GPD2: variants seen among roughly 807,000 people sequenced by gnomAD.
GPD2 encodes the protein glycerol-3-phosphate dehydrogenase, mitochondrial.
A neutral mutation model predicts 82.4 loss-of-function variants in GPD2; 54 were observed. The observed-to-expected ratio is 0.66, with a 90% CI of 0.53 to 0.82. GPD2 has a LOEUF of 0.82. Among genes scored for constraint, GPD2 ranks in the 40% least tolerant of loss-of-function variants. The pLI is 0.00. For missense variants in GPD2, 748 were observed against 896.2 expected (o/e 0.83, Z 2.11); for synonymous variants, 288 against 306.1 (o/e 0.94, Z 0.62).
intron 1 of GPD2, among the ~76,000 whole-genome samples, chr2:156,439,744 G>A (rs542874090): frequency 1.3e-5 from 2 of 151,782 alleles, no homozygotes; most frequent in Admixed American, 1.3e-4. Flanking sequence ...CTACTAGGAA[G>A]GCTGAGGCAG....
intron 9 of GPD2, among the ~76,000 whole-genome samples, chr2:156,567,576 A>T (rs1448975839): frequency 6.6e-6 from 1 of 152,154 alleles, no homozygotes; most frequent in Non-Finnish European, 1.5e-5. Flanking sequence ...TTATCCAGCG[A>T]TGGATTAGCT....
chr2:156,434,179 C>T (rs1404455127), upstream of GPD2, among the ~76,000 whole-genome samples: 1 of 152,172 alleles, frequency 6.6e-6, no homozygotes, highest in Non-Finnish European at 1.5e-5. Flanking sequence ...TCTCAGCTCA[C>T]TGTAACCTCT....
intron 3 of GPD2, among the ~76,000 whole-genome samples, chr2:156,503,068 C>A (rs1684649591): frequency 6.6e-6 from 1 of 152,026 alleles, no homozygotes; most frequent in African/African-American, 2.4e-5. Context: ...TTTTGGGGAC[C>A]TTGCAGACTA....
At position 156,578,965 on chromosome 2, in the gene GPD2, G is replaced by A. The variant is rs758011068; in HGVS notation, c.1844G>A (p.Arg615His). 89 of 1,609,548 alleles carry A rather than the reference G, an allele frequency of 5.5e-5. No homozygotes were observed. The highest frequency in any genetic ancestry group is 3.3e-4 in the Middle Eastern group (2 of 6,050). The change falls in exon 14 of 17, where the codon CGC (arginine) becomes CAC (histidine). Residue 615 changes from arginine to histidine, a missense_variant. By Grantham distance (29) the Arg-to-His change is conservative. Transcript: ENST00000438166. ...YKSRSEQLTD[R>H]SEISLLPSDI... ...TCTCGATCAGAACAGTTAACAGATC[G>A]CTCTGAAATTAGCCTACTGCCTTCA...
chr2:156,498,886 G>T (rs1455018249), intron 3 of GPD2, among the ~76,000 whole-genome samples: 1 of 152,122 alleles, frequency 6.6e-6, no homozygotes, highest in Non-Finnish European at 1.5e-5. Flanking sequence ...AGAAAAGTCA[G>T]TGCTAGGGGA....
the GPD2 span, among the ~76,000 whole-genome samples, chr2:156,403,114 CAAAAAA>C: frequency 1.0e-4 from 7 of 67,866 alleles, no homozygotes; most frequent in Non-Finnish European, 1.3e-4. Flanking sequence ...GCCCCTGTCT[CAAAAAA>C]AAAAAAAAAA....
intron 9 of GPD2, among the ~76,000 whole-genome samples, chr2:156,561,873 G>A (rs913410405): frequency 5.9e-5 from 9 of 152,032 alleles, no homozygotes; most frequent in African/African-American, 1.7e-4. Context: ...AAAATGCGTC[G>A]GAACAATTCT....
intron 9 of GPD2, among the ~76,000 whole-genome samples, chr2:156,568,411 C>T (rs1687469143): frequency 6.6e-6 from 1 of 152,066 alleles, no homozygotes; most frequent in African/African-American, 2.4e-5. Flanking sequence ...TCTTTGTCTT[C>T]CCTGAGAAGA....
intron 6 of GPD2, among the ~76,000 whole-genome samples, chr2:156,528,163 C>T (rs1182597566): frequency 3.9e-5 from 6 of 152,036 alleles, no homozygotes; most frequent in African/African-American, 1.4e-4. Context: ...CTTCCAACAG[C>T]ATTTAAATTA....
At position 156,557,535 on chromosome 2, in the gene GPD2, A is replaced by G. The variant is rs1687008634; in HGVS notation, c.1118A>G (p.Asn373Ser). The change falls in exon 9 of 17, where the codon AAC (asparagine) becomes AGC (serine). Residue 373 changes from asparagine to serine, a missense_variant. This residue lies in a region of GPD2 where 692 missense variants were observed against 809.7 expected (regional missense o/e 0.85). Coordinates refer to ENST00000438166, the MANE Select transcript of GPD2 (RefSeq NM_000408.5). The part of the protein sequence containing the change: ...HHPIPSEEDI[N>S]FILNEVRNYL... ...CCAATTCCTTCAGAAGAAGATATCA[A>G]CTTCATTTTGAATGAAGTGCGTAAT... is the stretch of plus-strand genomic sequence containing the variant. The G allele has an allele frequency of 6.2e-7, 1 of 1,603,926 alleles. No individual in the cohort carries two copies.
intron 1 of GPD2, among the ~76,000 whole-genome samples, chr2:156,457,663 G>A (rs1421977651): frequency 2.0e-5 from 3 of 152,212 alleles, no homozygotes; most frequent in Non-Finnish European, 4.4e-5. Context: ...AGTGTACTTG[G>A]TTGTTCAGAA....
upstream of GPD2, chr2:156,435,713 T>G (rs1430193528): frequency 6.6e-6 from 1 of 152,124 alleles, no homozygotes; most frequent in Non-Finnish European, 1.5e-5. Flanking sequence ...GCCCGCCTCC[T>G]GGACACGTCT....
the GPD2 span, among the ~76,000 whole-genome samples, chr2:156,430,026 C>T: frequency 2.0e-5 from 3 of 152,192 alleles, no homozygotes; most frequent in South Asian, 2.1e-4. Context: ...ACAATGGATA[C>T]GATTATGTTA....
rs533960035 is a variant in GPD2 at position 156,579,046 on chromosome 2, A to G, written c.1881-40A>G. 7.1e-6 allele frequency: 11 copies of G among 1,557,230 alleles called. No individual in the cohort carries two copies. The Admixed American group carries it at 8.3e-5, about 12-fold the overall frequency. On this transcript the variant is annotated intron_variant, in intron 14 of 16. Coordinates refer to ENST00000438166, the MANE Select transcript of GPD2 (RefSeq NM_000408.5). ...ATCTATCTCTCTTTTTTTTTGGCCTATGTAAGTATATTTTTCCATTATTTA... is the reference window on the plus strand; with the variant it reads ...ATCTATCTCTCTTTTTTTTTGGCCTGTGTAAGTATATTTTTCCATTATTTA...
At chr2:156,436,064 C>T (rs955771603), upstream of GPD2, among the ~76,000 whole-genome samples, 6 of 152,214 alleles carry the variant, frequency 3.9e-5, no homozygotes, top group African/African-American at 1.2e-4. Flanking sequence ...GCGACCCCAC[C>T]CGGCGGCAGG....
In GPD2 at chr2:156,553,589, T is replaced by C. The variant is rs530530064; in HGVS notation, c.971+2843T>C. 2.0e-5 allele frequency among the ~76,000 whole-genome samples: 3 copies of C among 152,294 alleles called. No homozygotes were observed. The South Asian group carries it at 6.2e-4, about 32-fold the overall frequency. On this transcript the variant is annotated intron_variant, in intron 8 of 16. Coordinates refer to ENST00000438166, the MANE Select transcript of GPD2 (RefSeq NM_000408.5). Reference sequence around the variant, plus strand: ...AAATGAAAATTGAAAGCCTGACTCTTATTCCCCCTACCTTTTGTTCCCTCC... The same window carrying C: ...AAATGAAAATTGAAAGCCTGACTCTCATTCCCCCTACCTTTTGTTCCCTCC...
chr2:156,482,663 T>C (rs1160530306), intron 2 of GPD2, among the ~76,000 whole-genome samples: 2 of 152,180 alleles, frequency 1.3e-5, no homozygotes, highest in African/African-American at 2.4e-5. Context: ...TGTTCGAGCA[T>C]GTTGATATTA....
At chr2:156,434,637 C>T (rs1209409239), upstream of GPD2, among the ~76,000 whole-genome samples, 1 of 152,112 alleles carries the variant, frequency 6.6e-6, no homozygotes, top group African/African-American at 2.4e-5. Flanking sequence ...CTCTCTGGGC[C>T]TGATAAATTT....
At chr2:156,514,467 A>G (rs930037919) in intron 6 of GPD2, among the ~76,000 whole-genome samples, 5 of 151,500 alleles carry the variant, frequency 3.3e-5, no homozygotes, top group Non-Finnish European at 5.9e-5. Context: ...AACTCTTAGC[A>G]AGAAGAATTT....
Sources: gnomAD v4.1 joint callset for allele counts (sites outside exome capture counted in the v4.1 genomes callset) on GRCh38, gnomAD v4.1.1 for gene constraint, gnomAD v4.1.1 regional missense constraint, MANE v1.5 for transcripts, NCBI Gene and HGNC (gene_info 2026-07-23, HGNC 2026-07-21) for gene names.